Variants in GRHL3 observed in about 807,000 individuals in gnomAD.
The protein encoded by GRHL3 is grainyhead like transcription factor 3.
A neutral mutation model predicts 70.3 loss-of-function variants in GRHL3; 20 were observed. The ratio of observed to expected loss-of-function variants is 0.28; its 90% confidence interval spans 0.20 to 0.41. GRHL3 has a LOEUF of 0.41. GRHL3 is among the 10% of genes least tolerant of loss of function. The pLI is 1.00. For missense variants in GRHL3, 637 were observed against 762.3 expected (o/e 0.84, Z 1.94); for synonymous variants, 299 against 299.9 (o/e 1.00, Z 0.03).
chr1:24,342,296 A>G lies in GRHL3; in HGVS notation c.1206+23A>G, dbSNP rs767112329. On this transcript the variant is annotated intron_variant, in intron 9 of 15. Coordinates refer to ENST00000361548, the MANE Select transcript of GRHL3 (RefSeq NM_198173.3). The surrounding 1 kb of genome is among the most constrained non-coding windows in gnomAD (Gnocchi z 4.8). ...AAGGTGGCTGGACTGGGCAGACCCT[A>G]TACTGGGTCCCGGGGAGGTAGAAGG... The G allele has an allele frequency of 4.5e-6, 7 of 1,572,654 alleles. No homozygotes were observed. The African/African-American group carries it at 9.5e-5, about 21-fold the overall frequency.
At position 24,334,652 on chromosome 1, in the gene GRHL3, A is replaced by G; in HGVS notation, c.212A>G (p.Lys71Arg). The change falls in exon 3 of 16, where the codon AAG (lysine) becomes AGG (arginine). Residue 71 changes from lysine to arginine, a missense_variant. Lys to Arg is a conservative substitution (Grantham distance 26). Coordinates refer to ENST00000361548, the MANE Select transcript of GRHL3 (RefSeq NM_198173.3). This position sits in a 1 kb window ranked among gnomAD's most constrained non-coding sequence, Gnocchi z 4.3. ...TCCTTTCTCTCTTCTCAGGGTCCCA[A>G]GGAGAAGCGGATATTGTCCTCCAGC... ...SFLYDYYMGP[K>R]EKRILSSSTG... The G allele has an allele frequency of 6.2e-7, 1 of 1,611,354 alleles. No homozygotes were observed. The highest frequency in any genetic ancestry group is 8.5e-7 in the Non-Finnish European group (1 of 1,178,992).
At chr1:24,331,079 T>C (rs114922038) in intron 1 of GRHL3, among the ~76,000 whole-genome samples, 391 of 152,362 alleles carry the variant, frequency 2.6e-3, no homozygotes, top group Non-Finnish European at 5.0e-3. Flanking sequence ...CAGCTTATCA[T>C]TGGCATTTCC....
At position 24,331,526 on chromosome 1, in the gene GRHL3, T is replaced by A; in HGVS notation, c.118T>A (p.Leu40Met). The part of the protein sequence containing the change: ...EAWKTYLENP[L>M]TAATKAMMRV... ...CTGGAAGACGTACCTAGAAAACCCG[T>A]TGACAGCTGCCACAAAGGCCATGAT... The change falls in exon 2 of 16, where the codon TTG (leucine) becomes ATG (methionine). Residue 40 changes from leucine (L) to methionine (M), a missense_variant. Physicochemically the swap from Leu to Met is conservative, Grantham distance 15. This residue lies in a region of GRHL3 where 250 missense variants were observed against 248.6 expected (regional missense o/e 1.01). Transcript: ENST00000361548. 1 of 1,614,184 alleles carries A rather than the reference T, an allele frequency of 6.2e-7. No individual in the cohort carries two copies.
rs1004096225 is a variant in GRHL3, at chr1:24,342,716, A to G, written c.1229A>G (p.Asp410Gly). Residue 410 changes from aspartate to glycine, a missense_variant, in exon 10 of 16, where the codon GAT becomes GGT. Asp to Gly is a moderately conservative substitution (Grantham distance 94). Transcript: ENST00000361548. The surrounding 1 kb of genome is among the most constrained non-coding windows in gnomAD (Gnocchi z 4.8). ...CAGGGAGCTGAGAGGAAGATGCGCGATGACGAGCGGAAGCAGTTCCGGAGG... is the reference window on the plus strand; with the variant it reads ...CAGGGAGCTGAGAGGAAGATGCGCGGTGACGAGCGGAAGCAGTTCCGGAGG... ...CDKGAERKMRDDERKQFRRKV... is the reference protein window; with the variant it reads ...CDKGAERKMRGDERKQFRRKV... The G allele has an allele frequency of 8.7e-6, 14 of 1,614,088 alleles. No individual in the cohort carries two copies. In the African/African-American group the frequency reaches 1.7e-4, roughly 20 times the overall value.
rs77355370 is a variant in GRHL3, at chr1:24,350,730, G to A, written c.1694+608G>A. Among the ~76,000 whole-genome samples the A allele has an allele frequency of 1.3e-3, 193 of 152,298 alleles. 2 individuals carry two copies. In the East Asian group the frequency reaches 0.033, roughly 26 times the overall value. The stretch of plus-strand genomic sequence containing the variant: ...AGTTGTGATTGGGAGTCATTTTGAG[G>A]GAATCCAGCCAGGGATGCTCCACAG... On this transcript the variant is annotated intron_variant, in intron 15 of 15. Coordinates refer to ENST00000361548, the MANE Select transcript of GRHL3 (RefSeq NM_198173.3).
At chr1:24,347,384 A>G in intron 13 of GRHL3, 84 bp from the exon 14 acceptor site, 1 of 1,217,760 alleles carries the variant, frequency 8.2e-7, no homozygotes, top group South Asian at 1.2e-5. Flanking sequence ...TCAATCTTCA[A>G]GTAACGTTTT....
rs1333022194 is a variant in GRHL3, at chr1:24,355,148, A to G, written c.*660A>G. Reference sequence around the variant, plus strand: ...TCATTTGTTATATATATATATAAATATACTGTATATATATGCAACATTTTA... The same window carrying G: ...TCATTTGTTATATATATATATAAATGTACTGTATATATATGCAACATTTTA... On this transcript the variant is annotated 3_prime_UTR_variant, in exon 16 of 16. Coordinates refer to ENST00000361548, the MANE Select transcript of GRHL3 (RefSeq NM_198173.3). The G allele has an allele frequency of 6.6e-6, 1 of 152,342 alleles. No homozygotes were observed. Among genetic ancestry groups the G allele is most frequent in the Non-Finnish European group, 1.5e-5 (1 of 67,994 alleles). 9.4% of individuals were successfully genotyped at this position (152,342 alleles called of 1,614,324 possible). A position where few individuals can be genotyped will look rare whatever the true frequency, so the allele number is the denominator to read the frequency against.
At chr1:24,359,639 A>G (rs918665181), downstream of GRHL3, among the ~76,000 whole-genome samples, 3 of 152,140 alleles carry the variant, frequency 2.0e-5, no homozygotes, top group Non-Finnish European at 4.4e-5. This position sits in a 1 kb window ranked among gnomAD's most constrained non-coding sequence, Gnocchi z 5.3. Flanking sequence ...CCTGGGGCCC[A>G]GGTCATCTTG....
chr1:24,319,509 A>G lies in GRHL3; in HGVS notation c.-43A>G, dbSNP rs1223836116. 6.4e-7 allele frequency: 1 copy of G among 1,565,574 alleles called. No homozygotes were observed. Among genetic ancestry groups the G allele is most frequent in the South Asian group, 1.1e-5 (1 of 90,126 alleles). ...AGGCAAGAATTAGAGACAAGCGGTC[A>G]GCAGAGCCTCAGTGCTGATCGTCGG... On this transcript the variant is annotated 5_prime_UTR_variant, in exon 1 of 16. Coordinates refer to ENST00000361548, the MANE Select transcript of GRHL3 (RefSeq NM_198173.3).
chr1:24,358,457 G>A (rs759591528), downstream of GRHL3: 3 of 1,168,396 alleles, frequency 2.6e-6, no homozygotes, highest in East Asian at 2.3e-5. Context: ...CCACACTCAT[G>A]ATCGGTCTCC....
chr1:24,342,179 C>T lies in GRHL3; in HGVS notation c.1112C>T (p.Pro371Leu). 1 of 1,613,310 alleles carries T rather than the reference C, an allele frequency of 6.2e-7. No homozygotes were observed. The highest frequency in any genetic ancestry group is 8.5e-7 in the Non-Finnish European group (1 of 1,179,536). ...TCACAAAAGGGGGTGAAGGGTGTCCCCCTGAACCTGCAGATTGACACCTAT... is the reference window on the plus strand; with the variant it reads ...TCACAAAAGGGGGTGAAGGGTGTCCTCCTGAACCTGCAGATTGACACCTAT... ...FSSQKGVKGVPLNLQIDTYDC... is the reference protein window; with the variant it reads ...FSSQKGVKGVLLNLQIDTYDC... Residue 371 changes from proline to leucine, a missense_variant, in exon 9 of 16, where the codon CCC (proline) becomes CTC (leucine). Pro to Leu is a moderately conservative substitution (Grantham distance 98). Around this residue, in one of 2 missense-constraint regions of GRHL3, gnomAD observed 387 missense variants for 513.8 expected, o/e 0.75. Transcript: ENST00000361548. This position sits in a 1 kb window ranked among gnomAD's most constrained non-coding sequence, Gnocchi z 4.8.
At chr1:24,360,897 G>A in intron 15 of GRHL3, 1 of 1,613,710 alleles carries the variant, frequency 6.2e-7, no homozygotes, top group Non-Finnish European at 8.5e-7. Context: ...TCCACCGGCT[G>A]GTATTGGACA....
In GRHL3 at chr1:24,334,456, C is replaced by T. The variant is rs932469483; in HGVS notation, c.205-189C>T. On this transcript the variant is annotated intron_variant, in intron 2 of 15. Transcript: ENST00000361548. This position sits in a 1 kb window ranked among gnomAD's most constrained non-coding sequence, Gnocchi z 4.3. The stretch of plus-strand genomic sequence containing the variant: ...ACAGCAGCATGGGAGTAACCACCCC[C>T]ATCATGCAATTACCTCCCACTCCCA... Among the ~76,000 whole-genome samples, 4 of 152,076 alleles carry T rather than the reference C, an allele frequency of 2.6e-5. No homozygotes were observed. The highest frequency in any genetic ancestry group is 1.3e-4 in the Admixed American group (2 of 15,274).
In GRHL3 at chr1:24,322,378, G is replaced by A. The variant is rs1639228642; in HGVS notation, c.17+2810G>A. Among the ~76,000 whole-genome samples the A allele has an allele frequency of 6.6e-6, 1 of 152,214 alleles. No individual in the cohort carries two copies. The highest frequency in any genetic ancestry group is 2.4e-5 in the African/African-American group (1 of 41,454). On this transcript the variant is annotated intron_variant, in intron 1 of 15. Coordinates refer to ENST00000361548, the MANE Select transcript of GRHL3 (RefSeq NM_198173.3). This position sits in a 1 kb window ranked among gnomAD's most constrained non-coding sequence, Gnocchi z 4.4. ...AGGAGCGCCGGCTCCAGACTGCCTG[G>A]AGCGCTGAAAGAGTTAATCAGGAAC...
chr1:24,343,811 T>C (rs1439390882), intron 11 of GRHL3, among the ~76,000 whole-genome samples: 1 of 152,238 alleles, frequency 6.6e-6, no homozygotes, highest in East Asian at 1.9e-4. Flanking sequence ...GGAATATTTA[T>C]ACAAATGGAC....
chr1:24,354,600 C>A lies in GRHL3; in HGVS notation c.*112C>A. The A allele has an allele frequency of 1.4e-6, 1 of 696,886 alleles. No homozygotes were observed. 43.2% of individuals were successfully genotyped at this position (696,886 alleles called of 1,614,324 possible). A position where few individuals can be genotyped will look rare whatever the true frequency, so the allele number is the denominator to read the frequency against. The stretch of plus-strand genomic sequence containing the variant: ...CAGCGCTGTTACTTGAATGCCTTCC[C>A]TGAGGGAAGAGGCCCTTGAGTCACA... On this transcript the variant is annotated 3_prime_UTR_variant, in exon 16 of 16. Coordinates refer to ENST00000361548, the MANE Select transcript of GRHL3 (RefSeq NM_198173.3).
At chr1:24,339,605 C>A in intron 7 of GRHL3, 63 bp from the exon 8 acceptor site, 3 of 1,155,280 alleles carry the variant, frequency 2.6e-6, no homozygotes, top group Non-Finnish European at 3.8e-6. Context: ...TTAATGCCTC[C>A]CTCCTCAAGT....
chr1:24,364,217 G>A (rs773073578), exon 16 of GRHL3: 32 of 1,539,202 alleles, frequency 2.1e-5, no homozygotes, highest in East Asian at 2.0e-4. Context: ...CGCCTGTCTC[G>A]CCACCCCCCA....
intron 2 of GRHL3, among the ~76,000 whole-genome samples, chr1:24,333,360 A>G (rs1162400692): frequency 6.6e-6 from 1 of 152,160 alleles, no homozygotes; most frequent in African/African-American, 2.4e-5. Context: ...TTCTTATTGA[A>G]TGTCCACCAC....
Sources: gnomAD v4.1 joint callset for allele counts (sites outside exome capture counted in the v4.1 genomes callset) on GRCh38, gnomAD v4.1.1 for gene constraint, gnomAD v4.1.1 regional missense constraint, Gnocchi (gnomAD v3.1) non-coding constraint, MANE v1.5 for transcripts, NCBI Gene and HGNC (gene_info 2026-07-23, HGNC 2026-07-21) for gene names.